AGBL1: variants seen among roughly 807,000 people sequenced by gnomAD.
AGBL1 encodes the protein cytosolic carboxypeptidase 4.
Under a neutral mutation model 118.9 loss-of-function variants are expected in AGBL1, and 130 were observed. The ratio of observed to expected loss-of-function variants is 1.09; its 90% CI spans 0.95 to 1.26. The LOEUF is 1.26. Among genes scored for constraint, AGBL1 ranks in the 50% most tolerant of loss-of-function variants. The probability of loss-of-function intolerance (pLI) is 0.00; values close to 1 mark genes in which losing one functional copy is unlikely to be tolerated. For synonymous variants in AGBL1, 555 were observed against 478.9 expected, an observed-to-expected ratio of 1.16 and a Z score of -2.08; for missense variants, 1,584 against 1,298.1, an observed-to-expected ratio of 1.22 and a Z score of -3.38.
At position 86,703,740 on chromosome 15, in the gene AGBL1, G is replaced by A. The variant is rs373743307; in HGVS notation, c.3158+29304G>A. Among the ~76,000 whole-genome samples the A allele has an allele frequency of 2.6e-5, 4 of 152,024 alleles. No individual in the cohort carries two copies. In the East Asian group the frequency reaches 7.7e-4, roughly 29 times the overall value. Reference sequence around the variant, plus strand: ...GGAGTTTCTCTGCACATGCTCTCTTGCCTGCTGCCAGGTAAGATGATGTGT... The same window carrying A: ...GGAGTTTCTCTGCACATGCTCTCTTACCTGCTGCCAGGTAAGATGATGTGT... On this transcript the variant is annotated intron_variant, in intron 22 of 22. Coordinates refer to ENST00000614907, the MANE Select transcript of AGBL1 (RefSeq NM_001386094.1).
chr15:86,590,999 T>C (rs2084326486), intron 21 of AGBL1, among the ~76,000 whole-genome samples: 1 of 152,248 alleles, frequency 6.6e-6, no homozygotes, highest in Non-Finnish European at 1.5e-5. Flanking sequence ...ATGTACGTTA[T>C]AGCTGTGTTT....
intron 18 of AGBL1, among the ~76,000 whole-genome samples, chr15:86,463,382 T>A (rs552007598): frequency 1.8e-4 from 27 of 152,218 alleles, no homozygotes; most frequent in Admixed American, 3.3e-4. Flanking sequence ...TCTCCCATTC[T>A]GTAGGTTGCC....
At chr15:86,661,807 TC>T (rs1490092428) in intron 21 of AGBL1, among the ~76,000 whole-genome samples, 1 of 152,154 alleles carries the variant, frequency 6.6e-6, no homozygotes, top group African/African-American at 2.4e-5. Flanking sequence ...CAAGTCACTC[TC>T]GTCGCTCTGA....
intron 22 of AGBL1, among the ~76,000 whole-genome samples, chr15:86,750,688 G>A (rs975934077): frequency 2.0e-5 from 3 of 151,944 alleles, no homozygotes; most frequent in African/African-American, 7.3e-5. Context: ...GGTTTGTTGT[G>A]TAGGTAATTG....
At chr15:86,390,742 T>C (rs1222883572) in intron 17 of AGBL1, among the ~76,000 whole-genome samples, 2 of 142,226 alleles carry the variant, frequency 1.4e-5, no homozygotes, top group Non-Finnish European at 3.0e-5. Context: ...TGATCTTGGC[T>C]CACTGCAAAC....
At chr15:86,970,131 A>G (rs963567475) in intron 23 of AGBL1, among the ~76,000 whole-genome samples, 1 of 151,880 alleles carries the variant, frequency 6.6e-6, no homozygotes, top group Non-Finnish European at 1.5e-5. Context: ...TCAATTGCGG[A>G]GGAAGTGGAG....
At chr15:86,641,955 A>C (rs1403036220) in intron 21 of AGBL1, among the ~76,000 whole-genome samples, 1 of 152,184 alleles carries the variant, frequency 6.6e-6, no homozygotes, top group Non-Finnish European at 1.5e-5. Context: ...AAGGACTTCA[A>C]GCCTGCTCCA....
At chr15:86,679,225 C>G (rs1375794133) in intron 22 of AGBL1, among the ~76,000 whole-genome samples, 1 of 152,132 alleles carries the variant, frequency 6.6e-6, no homozygotes, top group East Asian at 1.9e-4. Flanking sequence ...TTTACTGATT[C>G]AGATCTGCTT....
intron 24 of AGBL1, among the ~76,000 whole-genome samples, chr15:86,998,602 T>A (rs1209195620): frequency 6.6e-6 from 1 of 152,178 alleles, no homozygotes; most frequent in East Asian, 1.9e-4. Flanking sequence ...TTTTCTCCAA[T>A]AAGTTTGTTA....
chr15:86,894,669 G>A (rs2080097238), intron 22 of AGBL1, among the ~76,000 whole-genome samples: 2 of 152,152 alleles, frequency 1.3e-5, no homozygotes. Flanking sequence ...TGGGCACAAA[G>A]GCAGTACAAG....
chr15:86,617,240 TTCTGCAA>T (rs1239232485), intron 21 of AGBL1, among the ~76,000 whole-genome samples: 2 of 152,196 alleles, frequency 1.3e-5, no homozygotes, highest in African/African-American at 2.4e-5. Flanking sequence ...AATTGATGTT[TTCTGCAA>T]TCTGACGGCT....
intron 21 of AGBL1, among the ~76,000 whole-genome samples, chr15:86,625,164 C>T (rs573154720): frequency 2.0e-5 from 3 of 152,196 alleles, no homozygotes; most frequent in South Asian, 2.1e-4. Flanking sequence ...ATTTTAGTGT[C>T]GGCTCTGCCT....
chr15:87,019,281 T>C (rs556759996), intron 24 of AGBL1, among the ~76,000 whole-genome samples: 6 of 152,246 alleles, frequency 3.9e-5, no homozygotes, highest in African/African-American at 1.2e-4. Flanking sequence ...CTGACAGATA[T>C]CTATAGAACT....
chr15:86,080,704 C>G (rs779448964), intron 1 of AGBL1, among the ~76,000 whole-genome samples: 1 of 152,174 alleles, frequency 6.6e-6, no homozygotes. Flanking sequence ...ATGCTTGGGA[C>G]CCACCCCCAA....
At chr15:86,603,709 T>C (rs2084531535) in intron 21 of AGBL1, among the ~76,000 whole-genome samples, 1 of 152,124 alleles carries the variant, frequency 6.6e-6, no homozygotes, top group African/African-American at 2.4e-5. Flanking sequence ...ACAGTGAAAT[T>C]CAAAAGTTGC....
At chr15:86,947,438 G>A (rs2080837802) in intron 23 of AGBL1, among the ~76,000 whole-genome samples, 1 of 152,074 alleles carries the variant, frequency 6.6e-6, no homozygotes, top group Admixed American at 6.6e-5. Flanking sequence ...CATATTTTAT[G>A]TTGTTCTATG....
chr15:86,362,700 G>C (rs899146913), intron 17 of AGBL1, among the ~76,000 whole-genome samples: 2 of 152,322 alleles, frequency 1.3e-5, no homozygotes, highest in African/African-American at 4.8e-5. Context: ...TGAGTCACTG[G>C]GTTCCCAGGC....
At chr15:86,918,114 C>A (rs1363829325), downstream of AGBL1, among the ~76,000 whole-genome samples, 1 of 152,146 alleles carries the variant, frequency 6.6e-6, no homozygotes, top group Non-Finnish European at 1.5e-5. Flanking sequence ...ATTACAGATT[C>A]CATTTATTTG....
chr15:86,416,572 TA>T (rs150130987), intron 18 of AGBL1, among the ~76,000 whole-genome samples: 5,004 of 149,064 alleles, frequency 0.034, 256 homozygotes, highest in African/African-American at 0.11. Context: ...CACTTTTTTA[TA>T]AAAAAAAAAT....
Sources: gnomAD v4.1 joint callset for allele counts (sites outside exome capture counted in the v4.1 genomes callset) on GRCh38, gnomAD v4.1.1 for gene constraint, MANE v1.5 for transcripts, NCBI Gene and HGNC (gene_info 2026-07-23, HGNC 2026-07-21) for gene names.